Variants in TMEM196 observed in about 807,000 individuals in gnomAD.
TMEM196 encodes transmembrane protein 196.
A neutral mutation model predicts 20.0 loss-of-function variants in TMEM196; 17 were observed. The ratio of observed to expected loss-of-function variants is 0.85; its 90% CI spans 0.58 to 1.27. The LOEUF (loss-of-function observed/expected upper bound fraction) is 1.27. Among genes scored for constraint, TMEM196 ranks in the 50% most tolerant of loss-of-function variants. The pLI is 0.00. For synonymous variants in TMEM196, 113 were observed against 88.9 expected, an observed-to-expected ratio of 1.27 and a Z score of -1.52; for missense variants, 267 against 223.0, an observed-to-expected ratio of 1.20 and a Z score of -1.26.
chr7:19,723,950 CA>C (rs1783898428), intron 4 of TMEM196, among the ~76,000 whole-genome samples: 1 of 151,990 alleles, frequency 6.6e-6, no homozygotes, highest in Non-Finnish European at 1.5e-5. Context: ...TTATTAAAAA[CA>C]AAACTCTGGC....
intron 2 of TMEM196, among the ~76,000 whole-genome samples, chr7:19,726,884 C>CCTCTCTTG (rs1408879053): frequency 6.6e-6 from 1 of 152,010 alleles, no homozygotes; most frequent in Non-Finnish European, 1.5e-5. Flanking sequence ...ATTCCAGTCA[C>CCTCTCTTG]CTCTCTTGTC....
chr7:19,758,078 C>G (rs959443589), intron 1 of TMEM196, among the ~76,000 whole-genome samples: 2 of 151,642 alleles, frequency 1.3e-5, no homozygotes, highest in Non-Finnish European at 2.9e-5. Flanking sequence ...TGTTAATAGC[C>G]TAATGACTTT....
At position 19,719,716 on chromosome 7, in the gene TMEM196, A is replaced by C. The variant is rs1211257991; in HGVS notation, c.*2412T>G. 6.6e-6 allele frequency: 1 copy of C among 152,128 alleles called. No individual in the cohort carries two copies. The allele number at this position is 152,128 out of a possible 1,614,324, so 9.4% of individuals were successfully genotyped here. On this transcript the variant is annotated 3_prime_UTR_variant, in exon 5 of 5. Transcript: ENST00000405844. ...CCTAACATCCCCCACTTATCTAAAA[A>C]AGAATCGCCGCACATCCCAAGTAAA...
intron 1 of TMEM196, among the ~76,000 whole-genome samples, chr7:19,733,008 T>C (rs1042972481): frequency 2.6e-5 from 4 of 152,162 alleles, no homozygotes; most frequent in Non-Finnish European, 4.4e-5. Flanking sequence ...ATGATTTTAT[T>C]TGTGAGAAGA....
intron 1 of TMEM196, among the ~76,000 whole-genome samples, chr7:19,755,455 C>T (rs1785171632): frequency 6.6e-6 from 1 of 152,158 alleles, no homozygotes; most frequent in Non-Finnish European, 1.5e-5. Flanking sequence ...TTGCCTGGAA[C>T]ACTTTTGGTA....
At chr7:19,739,843 C>G (rs573626438) in intron 1 of TMEM196, among the ~76,000 whole-genome samples, 1 of 152,256 alleles carries the variant, frequency 6.6e-6, no homozygotes, top group African/African-American at 2.4e-5. Flanking sequence ...CTGTTCTTTA[C>G]TGTTCGATAA....
At chr7:19,755,566 G>A (rs1344226339) in intron 1 of TMEM196, among the ~76,000 whole-genome samples, 2 of 152,116 alleles carry the variant, frequency 1.3e-5, no homozygotes, top group Non-Finnish European at 2.9e-5. Flanking sequence ...TTGTGTCATG[G>A]GTACAAATAA....
At chr7:19,770,535 T>C (rs905310395) in intron 1 of TMEM196, among the ~76,000 whole-genome samples, 1 of 152,228 alleles carries the variant, frequency 6.6e-6, no homozygotes, top group African/African-American at 2.4e-5. Flanking sequence ...AATGGGTTTA[T>C]AAAAGTGAGC....
At position 19,772,665 on chromosome 7, in the gene TMEM196, A is replaced by G. The variant is rs1319702034; in HGVS notation, c.32T>C (p.Leu11Pro). 1 of 1,540,316 alleles carries G rather than the reference A, an allele frequency of 6.5e-7. No individual in the cohort carries two copies. The highest frequency in any genetic ancestry group is 2.5e-5 in the East Asian group (1 of 40,156). Residue 11 changes from leucine to proline, a missense_variant, in exon 1 of 5, where the codon CTC becomes CCC. Coordinates refer to ENST00000405844, the MANE Select transcript of TMEM196 (RefSeq NM_001363562.2). ...TATCTCCAGCACGGAGAGCACCAAG[A>G]GGCTCCCAATAATCTGACCGCTGGT... is the stretch of plus-strand genomic sequence containing the variant. MCTSGQIIGS[L>P]LVLSVLEIGL...
intron 1 of TMEM196, among the ~76,000 whole-genome samples, chr7:19,732,169 G>C (rs1395321785): frequency 6.6e-6 from 1 of 152,180 alleles, no homozygotes; most frequent in Non-Finnish European, 1.5e-5. Context: ...GTTTACACGT[G>C]GGGACATGGT....
chr7:19,763,644 T>C (rs1202085139), intron 1 of TMEM196, among the ~76,000 whole-genome samples: 1 of 152,164 alleles, frequency 6.6e-6, no homozygotes, highest in Non-Finnish European at 1.5e-5. Context: ...TCATCAATGG[T>C]CTTACAGCAA....
At chr7:19,748,859 A>G (rs1441547691) in intron 1 of TMEM196, among the ~76,000 whole-genome samples, 6 of 152,202 alleles carry the variant, frequency 3.9e-5, no homozygotes, top group Admixed American at 3.9e-4. Context: ...ACTAGAATAA[A>G]AAATTACTAT....
rs1785930747 is a variant in TMEM196, at chr7:19,772,603, T to C, written c.94A>G (p.Ser32Gly). ...TGCTCTCGGAGGGCCAGGCTGAAGC[T>C]GACCGCCCCCACGGCCACGCTGGAC... ...GVSSVAVGAV[S>G]FSLALREHKP... Residue 32 changes from serine to glycine, a missense_variant, in exon 1 of 5, where the codon AGC becomes GGC. Transcript: ENST00000405844. The C allele has an allele frequency of 1.3e-6, 2 of 1,547,238 alleles. No individual in the cohort carries two copies.
At chr7:19,757,988 C>T (rs1227788060) in intron 1 of TMEM196, among the ~76,000 whole-genome samples, 1 of 148,422 alleles carries the variant, frequency 6.7e-6, no homozygotes, top group Non-Finnish European at 1.5e-5. Context: ...TTACTAAGAA[C>T]CCCAGGCAAA....
At chr7:19,738,379 A>G (rs753348317) in intron 1 of TMEM196, among the ~76,000 whole-genome samples, 5 of 152,092 alleles carry the variant, frequency 3.3e-5, no homozygotes, top group African/African-American at 4.8e-5. Context: ...GGTTACATAT[A>G]TAACTATTTA....
intron 1 of TMEM196, among the ~76,000 whole-genome samples, chr7:19,741,936 A>C (rs1277617763): frequency 6.6e-6 from 1 of 152,150 alleles, no homozygotes; most frequent in Non-Finnish European, 1.5e-5. Flanking sequence ...ACGTCTTAGC[A>C]CTTTCATCTG....
At chr7:19,743,631 C>G (rs1420796911) in intron 1 of TMEM196, among the ~76,000 whole-genome samples, 1 of 152,004 alleles carries the variant, frequency 6.6e-6, no homozygotes, top group Non-Finnish European at 1.5e-5. Context: ...TTTCCAAACT[C>G]TATGGGAAAT....
In TMEM196 at chr7:19,766,365, C is replaced by T. The variant is rs116011729; in HGVS notation, c.147+6185G>A. Reference sequence around the variant, plus strand: ...GAGAGTCTAATTATCAAGGCATTGTCCATTTCGCATGTTGGAACATCTATC... The same window carrying T: ...GAGAGTCTAATTATCAAGGCATTGTTCATTTCGCATGTTGGAACATCTATC... On this transcript the variant is annotated intron_variant, in intron 1 of 4. Coordinates refer to ENST00000405844, the MANE Select transcript of TMEM196 (RefSeq NM_001363562.2). Among the ~76,000 whole-genome samples the T allele has an allele frequency of 2.4e-3, 360 of 152,002 alleles. 2 individuals carry two copies. Among genetic ancestry groups the T allele is most frequent in the African/African-American group, 8.3e-3 (345 of 41,482 alleles).
Position 19,722,001 on chromosome 7 carries a change from T to C in TMEM196, c.*127A>G, listed in dbSNP as rs899827461. Reference sequence around the variant, plus strand: ...AGATAAATGCAAATGCAAAAACTGTTTTATTTTCTAGTCCTTTGGTGTCTC... The same window carrying C: ...AGATAAATGCAAATGCAAAAACTGTCTTATTTTCTAGTCCTTTGGTGTCTC... On this transcript the variant is annotated 3_prime_UTR_variant, in exon 5 of 5. Coordinates refer to ENST00000405844, the MANE Select transcript of TMEM196 (RefSeq NM_001363562.2). 2 of 1,302,002 alleles carry C rather than the reference T, an allele frequency of 1.5e-6. No individual in the cohort carries two copies. Among genetic ancestry groups the C allele is most frequent in the Non-Finnish European group, 2.2e-6 (2 of 918,534 alleles). 80.7% of individuals were successfully genotyped at this position (1,302,002 alleles called of 1,614,324 possible).
Sources: gnomAD v4.1 joint callset for allele counts (sites outside exome capture counted in the v4.1 genomes callset) on GRCh38, gnomAD v4.1.1 for gene constraint, MANE v1.5 for transcripts, NCBI Gene and HGNC (gene_info 2026-07-23, HGNC 2026-07-21) for gene names.